The following PSAP variants were observed in gnomAD, a reference collection of about 807,000 sequenced individuals.
The protein encoded by PSAP is precursor of saposins.
In PSAP, 25 loss-of-function variants were observed where a neutral mutation model predicts 66.0. That is an observed-to-expected ratio of 0.38 (90% CI 0.28 to 0.53). The LOEUF is 0.53. Ranked by LOEUF, PSAP falls within the 20% of genes least tolerant of loss-of-function variation. The probability of loss-of-function intolerance (pLI) is 0.83; values close to 1 mark genes in which losing one functional copy is unlikely to be tolerated. For missense variants in PSAP, 649 were observed against 668.8 expected (o/e 0.97, Z 0.33); for synonymous variants, 273 against 258.9 (o/e 1.05, Z -0.52).
At chr10:71,836,146 G>A (rs1208306938) in intron 1 of PSAP, among the ~76,000 whole-genome samples, 1 of 152,100 alleles carries the variant, frequency 6.6e-6, no homozygotes, top group Non-Finnish European at 1.5e-5. Flanking sequence ...CTGTCCCCTG[G>A]GAGCAAAATC....
chr10:71,843,932 A>G (rs1842774432), intron 1 of PSAP, among the ~76,000 whole-genome samples: 1 of 152,252 alleles, frequency 6.6e-6, no homozygotes, highest in Non-Finnish European at 1.5e-5. Context: ...AAGGGTATAC[A>G]GGAACTCAGT....
At chr10:71,846,226 C>T (rs1035440142) in intron 1 of PSAP, among the ~76,000 whole-genome samples, 4 of 152,118 alleles carry the variant, frequency 2.6e-5, no homozygotes, top group Admixed American at 1.3e-4. Flanking sequence ...TGCCCAAGGT[C>T]GTACGGCTAC....
At chr10:71,831,819 G>A in intron 3 of PSAP, 27 bp downstream of exon 3, 1 of 1,610,880 alleles carries the variant, frequency 6.2e-7, no homozygotes, top group Non-Finnish European at 8.5e-7. Context: ...CGTGGCTCAA[G>A]CACCATCCCC....
chr10:71,817,527 C>A, intron 13 of PSAP, 51 bp from the exon 14 acceptor site: 1 of 1,577,352 alleles, frequency 6.3e-7, no homozygotes, highest in African/African-American at 1.3e-5. Context: ...AAACTCCGTT[C>A]CCGGCCCATC....
rs199650747 is a variant in PSAP, at chr10:71,819,877, G to A, written c.1029C>T (p.Asp343=). ...KTEKEILDAF[D]KMCSKLPKSL... ...ACTTCGGCAGCTTCGAGCACATTTT[G>A]TCAAAAGCGTCGAGTATTTCTTTCT... Residue 343 remains aspartate (D), a synonymous_variant, in exon 10 of 14, where the codon GAC becomes GAT. Transcript: ENST00000394936. The A allele has an allele frequency of 1.7e-5, 28 of 1,614,030 alleles. No individual in the cohort carries two copies. The highest frequency in any genetic ancestry group is 2.7e-5 in the African/African-American group (2 of 74,940).
chr10:71,846,291 C>A (rs1288170004), intron 1 of PSAP, among the ~76,000 whole-genome samples: 1 of 152,118 alleles, frequency 6.6e-6, no homozygotes, highest in Non-Finnish European at 1.5e-5. Context: ...CTTGTCCCAA[C>A]ATACAAAATT....
intron 11 of PSAP, 128 bp from the exon 12 acceptor site, chr10:71,819,239 C>T: frequency 9.5e-7 from 1 of 1,047,568 alleles, no homozygotes; most frequent in Non-Finnish European, 1.5e-6. Context: ...CCACTGGGTC[C>T]TGGGGCCTCC....
At chr10:71,839,489 C>A (rs998555784) in intron 1 of PSAP, among the ~76,000 whole-genome samples, 1 of 152,144 alleles carries the variant, frequency 6.6e-6, no homozygotes, top group Non-Finnish European at 1.5e-5. Flanking sequence ...CCACCCGCCT[C>A]GGCCTCCCAA....
At chr10:71,817,640 A>G (rs565850672) in intron 13 of PSAP, among the ~76,000 whole-genome samples, 164 bp from the exon 14 acceptor site, 1 of 152,346 alleles carries the variant, frequency 6.6e-6, no homozygotes, top group Non-Finnish European at 1.5e-5. Flanking sequence ...ACTTAAAAAC[A>G]GGGAACACGT....
At chr10:71,834,101 G>A (rs1471708211) in intron 2 of PSAP, among the ~76,000 whole-genome samples, 1 of 152,180 alleles carries the variant, frequency 6.6e-6, no homozygotes, top group Non-Finnish European at 1.5e-5. Context: ...CAGGCACCTG[G>A]AGCCGCAGGC....
intron 13 of PSAP, 76 bp from the exon 14 acceptor site, chr10:71,817,552 C>T (rs1816055528): frequency 3.6e-6 from 5 of 1,394,030 alleles, no homozygotes; most frequent in Non-Finnish European, 5.1e-6. Flanking sequence ...TATCAGATAT[C>T]ACCCCAAAAC....
intron 1 of PSAP, among the ~76,000 whole-genome samples, chr10:71,844,022 G>C (rs762429175): frequency 5.3e-5 from 8 of 152,214 alleles, no homozygotes; most frequent in Non-Finnish European, 1.0e-4. Flanking sequence ...GTGTTAGCAT[G>C]AAATTACCTC....
At chr10:71,843,955 T>C (rs1842775261) in intron 1 of PSAP, among the ~76,000 whole-genome samples, 1 of 151,332 alleles carries the variant, frequency 6.6e-6, no homozygotes, top group Non-Finnish European at 1.5e-5. Flanking sequence ...ACTACCTTTG[T>C]AACTTTTCTG....
At chr10:71,835,831 AAAAAAAAAC>A (rs1489703029) in intron 1 of PSAP, among the ~76,000 whole-genome samples, 3 of 130,866 alleles carry the variant, frequency 2.3e-5, no homozygotes, top group Middle Eastern at 7.0e-3. Context: ...GAAAAAAAAA[AAAAAAAAAC>A]AAAACACAAT....
rs112119208 is a variant in PSAP at position 71,834,399 on chromosome 10, C to T, written c.147G>A (p.Leu49=). ...CTGTTGGCTTGTTCCAAACGGTCTG[C>T]AGGCAGTGCTTCACTGCCCCGCAGT... ...ASDCGAVKHC[L]QTVWNKPTVK... The change falls in exon 2 of 14, where the codon CTG becomes CTA. Residue 49 remains leucine, a synonymous_variant. Transcript: ENST00000394936. 13 of 1,613,994 alleles carry T rather than the reference C, an allele frequency of 8.1e-6. No individual in the cohort carries two copies. The African/African-American group carries it at 9.3e-5, about 12-fold the overall frequency.
chr10:71,818,944 G>A (rs1842233974), intron 12 of PSAP, 87 bp downstream of exon 12: 1 of 1,225,276 alleles, frequency 8.2e-7, no homozygotes, highest in Non-Finnish European at 1.2e-6. Flanking sequence ...CCACCCCACG[G>A]CCAAGTCTCA....
At chr10:71,821,085 G>A (rs984752756) in intron 8 of PSAP, among the ~76,000 whole-genome samples, 5 of 152,232 alleles carry the variant, frequency 3.3e-5, no homozygotes, top group Admixed American at 6.5e-5. Flanking sequence ...AGGAGCACCC[G>A]GTGGAGAGGA....
chr10:71,841,667 T>C (rs1202394252), intron 1 of PSAP, among the ~76,000 whole-genome samples: 1 of 152,072 alleles, frequency 6.6e-6, no homozygotes, highest in African/African-American at 2.4e-5. Flanking sequence ...GCCCTGGAGT[T>C]CAAGACCAGC....
rs1204739286 is a variant in PSAP at position 71,819,789 on chromosome 10, G to A, written c.1117C>T (p.Leu373=). Residue 373 remains leucine, a synonymous_variant, in exon 10 of 14, where the codon CTG becomes TTG. Coordinates refer to ENST00000394936, the MANE Select transcript of PSAP (RefSeq NM_002778.4). ...ACCAGCTCAGGGCTGACCTCCTCCA[G>A]CAGGATGGACAGGATGGAGCTGCCG... ...TYGSSILSIL[L]EEVSPELVCS... The A allele has an allele frequency of 2.5e-6, 4 of 1,614,012 alleles. No individual in the cohort carries two copies. The highest frequency in any genetic ancestry group is 1.6e-4 in the Middle Eastern group (1 of 6,062).
Sources: gnomAD v4.1 joint callset for allele counts (sites outside exome capture counted in the v4.1 genomes callset) on GRCh38, gnomAD v4.1.1 for gene constraint, MANE v1.5 for transcripts, NCBI Gene and HGNC (gene_info 2026-07-23, HGNC 2026-07-21) for gene names.